The following BACH1 variants were observed in gnomAD, a reference collection of about 807,000 sequenced individuals.
The protein encoded by BACH1 is transcription regulator protein BACH1.
Under a neutral mutation model 52.9 loss-of-function variants are expected in BACH1, and 35 were observed. The observed-to-expected ratio is 0.66, with a 90% confidence interval of 0.51 to 0.88. BACH1 has a LOEUF of 0.88. Among genes scored for constraint, BACH1 ranks in the 40% least tolerant of loss-of-function variants. The probability of loss-of-function intolerance (pLI) is 0.00; values close to 1 mark genes in which losing one functional copy is unlikely to be tolerated. For missense variants in BACH1, 808 were observed against 872.6 expected, an observed-to-expected ratio of 0.93 and a Z score of 0.93; for synonymous variants, 321 against 319.6, an observed-to-expected ratio of 1.00 and a Z score of -0.05.
chr21:29,305,437 C>G (rs1375990651), intron 1 of BACH1: 1 of 152,086 alleles, frequency 6.6e-6, no homozygotes, highest in Non-Finnish European at 1.5e-5. Flanking sequence ...TATTTTGTCT[C>G]TGAGGGCCTC....
At chr21:29,318,236 A>G (rs2088810059) in intron 1 of BACH1, among the ~76,000 whole-genome samples, 1 of 152,218 alleles carries the variant, frequency 6.6e-6, no homozygotes, top group African/African-American at 2.4e-5. Flanking sequence ...TTTTCCAGGC[A>G]GGAGCTGATG....
chr21:29,308,513 A>T (rs1185453800), intron 1 of BACH1, among the ~76,000 whole-genome samples: 1 of 151,736 alleles, frequency 6.6e-6, no homozygotes, highest in East Asian at 1.9e-4. Flanking sequence ...CTCCACCCTC[A>T]CCCCCCTTTT....
chr21:29,306,613 C>T (rs200631184), intron 1 of BACH1, among the ~76,000 whole-genome samples: 2 of 152,084 alleles, frequency 1.3e-5, no homozygotes, highest in East Asian at 3.9e-4. Context: ...AGAGTAGATA[C>T]GTGAGCACAG....
chr21:29,309,262 A>AAAG, intron 1 of BACH1, among the ~76,000 whole-genome samples: 1 of 151,922 alleles, frequency 6.6e-6, no homozygotes, highest in South Asian at 2.1e-4. Flanking sequence ...TGTCTCAAAA[A>AAAG]AAAAAAAAAA....
At position 29,329,635 on chromosome 21, in the gene BACH1, G is replaced by A. The variant is rs140484641; in HGVS notation, c.1718G>A (p.Arg573His). The change falls in exon 4 of 5, where the codon CGC (arginine) becomes CAC (histidine). Residue 573 changes from arginine (R) to histidine (H), a missense_variant. Transcript: ENST00000286800. ...AGTAAAAACAGAATTGCTGCACAGC[G>A]CTGTCGCAAGAGAAAACTTGACTGT... ...RRSKNRIAAQ[R>H]CRKRKLDCIQ... The A allele has an allele frequency of 3.1e-6, 5 of 1,598,792 alleles. No individual in the cohort carries two copies. The highest frequency in any genetic ancestry group is 2.3e-5 in the South Asian group (2 of 87,810).
chr21:29,361,799 T>A (rs2089273336), intron 2 of BACH1: 1 of 152,248 alleles, frequency 6.6e-6, no homozygotes. Context: ...TCATGATTTA[T>A]CTGCACAAAG....
chr21:29,338,206 T>C (rs888415218), intron 4 of BACH1, among the ~76,000 whole-genome samples: 3 of 152,150 alleles, frequency 2.0e-5, no homozygotes, highest in Non-Finnish European at 2.9e-5. Flanking sequence ...AGTAAGAAAA[T>C]TAGACAATCA....
At chr21:29,340,707 T>C (rs149456119) in intron 4 of BACH1, among the ~76,000 whole-genome samples, 1 of 152,206 alleles carries the variant, frequency 6.6e-6, no homozygotes, top group African/African-American at 2.4e-5. Context: ...AGATTCTTTC[T>C]CACTTTCTTC....
intron 4 of BACH1, among the ~76,000 whole-genome samples, chr21:29,334,251 C>G (rs2089019242): frequency 6.6e-6 from 1 of 152,024 alleles, no homozygotes; most frequent in Non-Finnish European, 1.5e-5. Flanking sequence ...GCGCTGGCCA[C>G]CATGCCTGGG....
intron 1 of BACH1, among the ~76,000 whole-genome samples, chr21:29,316,043 A>G (rs1334674625): frequency 6.6e-6 from 1 of 152,314 alleles, no homozygotes; most frequent in Non-Finnish European, 1.5e-5. Flanking sequence ...TTAAAACACA[A>G]CATATAATCT....
Position 29,326,329 on chromosome 21 carries a change from G to A in BACH1, c.505G>A (p.Glu169Lys), listed in dbSNP as rs1363977160. 3 of 1,614,084 alleles carry A rather than the reference G, an allele frequency of 1.9e-6. No individual in the cohort carries two copies. Among genetic ancestry groups the A allele is most frequent in the African/African-American group, 1.3e-5 (1 of 74,928 alleles). The change falls in exon 3 of 5, where the codon GAA becomes AAA. Residue 169 changes from glutamate to lysine, a missense_variant. Coordinates refer to ENST00000286800, the MANE Select transcript of BACH1 (RefSeq NM_001186.4). ...LLDQRDLETD[E>K]VEEFLENKNV... ...GGACCAGAGGGATCTAGAAACTGAT[G>A]AAGTGGAGGAATTTCTGGAAAATAA...
intron 4 of BACH1, among the ~76,000 whole-genome samples, chr21:29,329,954 T>C (rs539144317): frequency 1.4e-4 from 22 of 152,322 alleles, no homozygotes; most frequent in Non-Finnish European, 2.1e-4. Flanking sequence ...TAAAGCACTT[T>C]AGGTTCTCTG....
intron 2 of BACH1, among the ~76,000 whole-genome samples, chr21:29,322,020 A>G (rs1246252487): frequency 6.6e-6 from 1 of 152,224 alleles, no homozygotes; most frequent in Admixed American, 6.5e-5. Flanking sequence ...AAGGAAAAGC[A>G]AAGGGACTTA....
chr21:29,341,648 A>C (rs2089114193), intron 4 of BACH1, among the ~76,000 whole-genome samples: 1 of 152,192 alleles, frequency 6.6e-6, no homozygotes, highest in Non-Finnish European at 1.5e-5. Flanking sequence ...TAGCAAGCAC[A>C]AAATTACCCC....
chr21:29,317,252 A>G (rs1467250242), intron 1 of BACH1, among the ~76,000 whole-genome samples: 3 of 152,232 alleles, frequency 2.0e-5, no homozygotes, highest in African/African-American at 7.2e-5. Flanking sequence ...CTGGTGCCAA[A>G]AAGTTGGAGA....
At chr21:29,339,116 G>T (rs186024550) in intron 4 of BACH1, among the ~76,000 whole-genome samples, 1 of 152,284 alleles carries the variant, frequency 6.6e-6, no homozygotes, top group East Asian at 1.9e-4. Flanking sequence ...TTAAGGAGCT[G>T]TGTCTCTAGG....
intron 1 of BACH1, among the ~76,000 whole-genome samples, chr21:29,315,349 A>G (rs1468245063): frequency 2.0e-5 from 3 of 152,172 alleles, no homozygotes; most frequent in Non-Finnish European, 4.4e-5. Flanking sequence ...GCTCAGAAAG[A>G]TGTCATAGTA....
chr21:29,302,025 A>G (rs1456830214), intron 1 of BACH1, among the ~76,000 whole-genome samples: 1 of 152,180 alleles, frequency 6.6e-6, no homozygotes, highest in East Asian at 1.9e-4. Context: ...CGTTAAAATT[A>G]CCACTTGTCA....
Position 29,344,730 on chromosome 21 carries a change from A to G in BACH1, c.*1897A>G, listed in dbSNP as rs1229673280. ...TATTTCTTTGATACTTGTAATTTTA[A>G]ATTTCAGCTTCACGATATAAAATAA... On this transcript the variant is annotated 3_prime_UTR_variant, in exon 5 of 5. Transcript: ENST00000286800. The G allele has an allele frequency of 1.3e-5, 2 of 151,922 alleles. No homozygotes were observed. The highest frequency in any genetic ancestry group is 1.5e-5 in the Non-Finnish European group (1 of 67,904). 9.4% of individuals were successfully genotyped at this position (151,922 alleles called of 1,614,324 possible). A position where few individuals can be genotyped will look rare whatever the true frequency, so the allele number is the denominator to read the frequency against.
Sources: allele counts gnomAD v4.1 joint callset (sites outside exome capture counted in the v4.1 genomes callset), GRCh38; gene constraint gnomAD v4.1.1; transcripts MANE v1.5; gene names NCBI Gene and HGNC (gene_info 2026-07-23, HGNC 2026-07-21).